The following STIM1 variants were observed in gnomAD, a reference collection of about 807,000 sequenced individuals.
STIM1 encodes the protein stromal interaction molecule 1.
In STIM1, 25 loss-of-function variants were observed where a neutral mutation model predicts 74.7. That is an observed-to-expected ratio of 0.33 (90% CI 0.24 to 0.47). The LOEUF (loss-of-function observed/expected upper bound fraction) is 0.47, where lower values mean the gene tolerates loss of function less well. Among genes scored for constraint, STIM1 ranks in the 20% least tolerant of loss-of-function variants. The pLI is 1.00. For synonymous variants in STIM1, 328 were observed against 348.8 expected (o/e 0.94, Z 0.66); for missense variants, 728 against 920.8 (o/e 0.79, Z 2.71).
chr11:3,999,974 G>A (rs1223474829), intron 2 of STIM1, among the ~76,000 whole-genome samples: 1 of 152,062 alleles, frequency 6.6e-6, no homozygotes, highest in Non-Finnish European at 1.5e-5. Context: ...ATGGAGTCTT[G>A]CTGATTGCTA....
At chr11:3,873,236 A>T (rs1459982418) in intron 1 of STIM1, among the ~76,000 whole-genome samples, 1 of 151,920 alleles carries the variant, frequency 6.6e-6, no homozygotes, top group African/African-American at 2.4e-5. Context: ...ACCAACATGG[A>T]GAAACCCCGT....
chr11:3,912,122 A>C (rs1590557812), intron 1 of STIM1, among the ~76,000 whole-genome samples: 3 of 140,102 alleles, frequency 2.1e-5, no homozygotes, highest in African/African-American at 2.7e-5. Context: ...CTTCTCCCTA[A>C]CCTTCTCCCC....
intron 5 of STIM1, among the ~76,000 whole-genome samples, chr11:4,068,301 C>A (rs2094381315): frequency 6.6e-6 from 1 of 152,182 alleles, no homozygotes; most frequent in Non-Finnish European, 1.5e-5. Context: ...AATCTGCATA[C>A]CCACCTTAAG....
At chr11:3,995,937 A>C (rs2093659624) in intron 2 of STIM1, among the ~76,000 whole-genome samples, 1 of 150,708 alleles carries the variant, frequency 6.6e-6, no homozygotes, top group Non-Finnish European at 1.5e-5. Context: ...ATTTGTTCTT[A>C]CCCTGAGAGA....
At chr11:4,058,301 C>T (rs1157910995) in intron 4 of STIM1, among the ~76,000 whole-genome samples, 2 of 152,170 alleles carry the variant, frequency 1.3e-5, no homozygotes, top group Non-Finnish European at 2.9e-5. Flanking sequence ...TAACCACTCC[C>T]ACACCCCATC....
intron 1 of STIM1, among the ~76,000 whole-genome samples, chr11:3,866,883 A>G (rs1471464565): frequency 6.6e-6 from 1 of 152,122 alleles, no homozygotes; most frequent in Non-Finnish European, 1.5e-5. Context: ...TGCTTTATTT[A>G]TTATTATTAT....
At chr11:4,086,332 G>A in intron 11 of STIM1, 145 bp from the exon 12 acceptor site, 1 of 886,742 alleles carries the variant, frequency 1.1e-6, no homozygotes, top group Non-Finnish European at 1.7e-6. Context: ...CTGGTGGGAG[G>A]TTTCTGGGAG....
chr11:4,086,199 T>A lies in STIM1; in HGVS notation c.1568-278T>A, dbSNP rs1590699668. ...TATCCTACCCTTCCTTGCTTGTGTC[T>A]ACCCACTAACTGCCTTGCCACTTCC... On this transcript the variant is annotated intron_variant, in intron 11 of 12. Coordinates refer to ENST00000526596, the MANE Select transcript of STIM1 (RefSeq NM_001382567.1). The A allele has an allele frequency of 2.7e-5, 14 of 512,978 alleles. No homozygotes were observed. In the East Asian group the frequency reaches 5.0e-4, roughly 18 times the overall value. The allele number at this position is 512,978 out of a possible 1,614,324, so 31.8% of individuals were successfully genotyped here. A position where few individuals can be genotyped will look rare whatever the true frequency, so the allele number is the denominator to read the frequency against.
At chr11:3,932,332 C>T (rs1456316687) in intron 1 of STIM1, among the ~76,000 whole-genome samples, 1 of 152,200 alleles carries the variant, frequency 6.6e-6, no homozygotes, top group Admixed American at 6.5e-5. Flanking sequence ...GTCATTAGGA[C>T]AGAGCCCTCT....
At chr11:4,088,253 C>T (rs1446823332) in intron 12 of STIM1, among the ~76,000 whole-genome samples, 2 of 152,172 alleles carry the variant, frequency 1.3e-5, no homozygotes, top group African/African-American at 4.8e-5. Flanking sequence ...TCAGAAAGTC[C>T]TTCCCCTCTG....
intron 2 of STIM1, among the ~76,000 whole-genome samples, chr11:3,999,214 T>G (rs2093689408): frequency 6.6e-6 from 1 of 152,198 alleles, no homozygotes. Flanking sequence ...CCCCTGTGCC[T>G]GTAGTCCAAG....
At chr11:4,062,808 T>C (rs1285808081) in intron 5 of STIM1, among the ~76,000 whole-genome samples, 4 of 152,064 alleles carry the variant, frequency 2.6e-5, no homozygotes, top group African/African-American at 9.7e-5. Flanking sequence ...GTAACAAGTG[T>C]TGGTGAGGAT....
At chr11:4,001,262 G>C (rs1301222733) in intron 2 of STIM1, among the ~76,000 whole-genome samples, 2 of 151,444 alleles carry the variant, frequency 1.3e-5, no homozygotes, top group Non-Finnish European at 2.9e-5. Context: ...CTCGAGAAGA[G>C]CAACTCCAAG....
intron 3 of STIM1, among the ~76,000 whole-genome samples, chr11:4,043,381 A>G (rs775475051): frequency 1.3e-5 from 2 of 152,118 alleles, no homozygotes; most frequent in Non-Finnish European, 1.5e-5. Flanking sequence ...CTTTGTGGAT[A>G]TGTGTCATTA....
At chr11:4,077,012 T>C (rs1254273627) in intron 7 of STIM1, among the ~76,000 whole-genome samples, 1 of 151,798 alleles carries the variant, frequency 6.6e-6, no homozygotes, top group Non-Finnish European at 1.5e-5. Flanking sequence ...AACTCAATTA[T>C]ATGCTGTTCG....
Position 3,960,060 on chromosome 11 carries a change from A to G in STIM1, c.140-7492A>G, listed in dbSNP as rs77944712. Among the ~76,000 whole-genome samples the G allele has an allele frequency of 1.1e-3, 174 of 152,344 alleles. 1 individual carries two copies. The highest frequency in any genetic ancestry group is 4.0e-3 in the African/African-American group (166 of 41,580). On this transcript the variant is annotated intron_variant, in intron 1 of 12. Coordinates refer to ENST00000526596, the MANE Select transcript of STIM1 (RefSeq NM_001382567.1). ...TGCCTTTTAGTATTCTGTGTGATGA[A>G]ATATAAGTATGCATAAAGCATTTCT...
intron 2 of STIM1, among the ~76,000 whole-genome samples, chr11:3,990,939 A>T (rs1554963444): frequency 6.6e-6 from 1 of 151,940 alleles, no homozygotes; most frequent in Non-Finnish European, 1.5e-5. Flanking sequence ...TCCAATGGGA[A>T]TTTTTTCAGT....
chr11:3,995,450 T>G lies in STIM1; in HGVS notation c.270+27768T>G, dbSNP rs2093654709. ...TGGTATGCCCACAGTCATATTTGGATGATAATGGTTTGGGCAGAACTTTGA... is the reference window on the plus strand; with the variant it reads ...TGGTATGCCCACAGTCATATTTGGAGGATAATGGTTTGGGCAGAACTTTGA... On this transcript the variant is annotated intron_variant, in intron 2 of 12. Transcript: ENST00000526596. Among the ~76,000 whole-genome samples the G allele has an allele frequency of 2.0e-5, 3 of 152,256 alleles. No homozygotes were observed. In the South Asian group the frequency reaches 6.2e-4, roughly 32 times the overall value.
intron 1 of STIM1, among the ~76,000 whole-genome samples, chr11:3,952,697 T>G (rs561042999): frequency 1.3e-5 from 2 of 152,350 alleles, no homozygotes; most frequent in African/African-American, 4.8e-5. Flanking sequence ...CTTTGCCTAG[T>G]TCAGCTAGTT....
Sources: gnomAD v4.1 joint callset for allele counts (sites outside exome capture counted in the v4.1 genomes callset) on GRCh38, gnomAD v4.1.1 for gene constraint, MANE v1.5 for transcripts, NCBI Gene and HGNC (gene_info 2026-07-23, HGNC 2026-07-21) for gene names.